Variants in HLCS observed in about 807,000 individuals in gnomAD.
HLCS encodes the protein biotin--protein ligase.
In HLCS, 53 loss-of-function variants were observed where a neutral mutation model predicts 75.0. The ratio of observed to expected loss-of-function variants is 0.71; its 90% CI spans 0.57 to 0.89. HLCS has a LOEUF of 0.89. Among genes scored for constraint, HLCS ranks in the 40% least tolerant of loss-of-function variants. The pLI is 0.00. For missense variants in HLCS, 966 were observed against 1,074.0 expected, an observed-to-expected ratio of 0.90 and a Z score of 1.41; for synonymous variants, 431 against 428.6, an observed-to-expected ratio of 1.01 and a Z score of -0.07.
rs1257707195 is a variant in HLCS at position 36,767,238 on chromosome 21, GC to G, written c.1939del (p.Ala647ProfsTer15). On this transcript the variant is annotated frameshift_variant, in exon 7 of 11. Transcript: ENST00000674895. LOFTEE classifies it high-confidence loss of function. ...CTGACCTTTGCCCTCGGTCTGCCGG[GC>G]CGCGATCACTATTAAGCCCATTTCC... is the stretch of plus-strand genomic sequence containing the variant. ...PQEMGLIVIAARQTEGKGRGG... is the reference protein window; with the variant it reads ...PQEMGLIVIAXRQTEGKGRGG... 6.2e-7 allele frequency: 1 copy of G among 1,614,150 alleles called. No individual in the cohort carries two copies. The highest frequency in any genetic ancestry group is 1.1e-5 in the South Asian group (1 of 91,086).
At chr21:36,814,762 G>A (rs923073682) in intron 6 of HLCS, among the ~76,000 whole-genome samples, 6 of 152,168 alleles carry the variant, frequency 3.9e-5, no homozygotes, top group Admixed American at 1.3e-4. Flanking sequence ...GGTTCTGATT[G>A]GATAGGGTCG....
chr21:36,778,112 G>C (rs1381670461), intron 6 of HLCS, among the ~76,000 whole-genome samples: 1 of 151,992 alleles, frequency 6.6e-6, no homozygotes, highest in Non-Finnish European at 1.5e-5. Flanking sequence ...GGGACTACAG[G>C]CGCCCGCCAC....
intron 6 of HLCS, among the ~76,000 whole-genome samples, chr21:36,887,451 C>A (rs1389303242): frequency 6.6e-6 from 1 of 152,006 alleles, no homozygotes; most frequent in African/African-American, 2.4e-5. Context: ...AAATAAACAA[C>A]CAAGAACACT....
chr21:36,883,121 C>T (rs2064301515), intron 6 of HLCS, among the ~76,000 whole-genome samples: 1 of 152,188 alleles, frequency 6.6e-6, no homozygotes. Context: ...GAACATGCTT[C>T]TCTCCAAAAC....
At chr21:36,833,455 T>C (rs1398044142) in intron 6 of HLCS, among the ~76,000 whole-genome samples, 3 of 151,726 alleles carry the variant, frequency 2.0e-5, no homozygotes, top group South Asian at 2.1e-4. Context: ...TGTAGTGGCA[T>C]GCACCTGTAA....
At chr21:36,925,821 G>A (rs1260859721) in intron 5 of HLCS, among the ~76,000 whole-genome samples, 1 of 152,250 alleles carries the variant, frequency 6.6e-6, no homozygotes, top group Non-Finnish European at 1.5e-5. Flanking sequence ...AAGGCAGCTA[G>A]CTTCTCAACT....
chr21:36,955,790 T>C (rs2067908960), intron 2 of HLCS, among the ~76,000 whole-genome samples: 1 of 152,246 alleles, frequency 6.6e-6, no homozygotes. Flanking sequence ...CCTGAGCCAC[T>C]TTCAGTCCTG....
chr21:36,969,632 G>C (rs902977285), upstream of HLCS: 1 of 150,948 alleles, frequency 6.6e-6, no homozygotes, highest in Non-Finnish European at 1.5e-5. Flanking sequence ...TTGGAGTGCA[G>C]CGCGATCTCA....
At chr21:36,783,126 C>T (rs2060583212) in intron 6 of HLCS, among the ~76,000 whole-genome samples, 1 of 152,162 alleles carries the variant, frequency 6.6e-6, no homozygotes, top group African/African-American at 2.4e-5. Flanking sequence ...GCATGGGTTC[C>T]TGGCCATACC....
At chr21:36,790,631 T>C (rs555639319) in intron 6 of HLCS, among the ~76,000 whole-genome samples, 74 of 152,340 alleles carry the variant, frequency 4.9e-4, no homozygotes, top group African/African-American at 1.8e-3. Context: ...GCTCAATGGC[T>C]GCCTTTCCCA....
intron 4 of HLCS, among the ~76,000 whole-genome samples, chr21:36,935,322 A>T (rs1056598397): frequency 3.9e-5 from 6 of 152,188 alleles, no homozygotes; most frequent in African/African-American, 1.4e-4. Context: ...TAATGTCCAA[A>T]TTCCTTAATT....
At chr21:36,825,199 T>C (rs937375340) in intron 6 of HLCS, among the ~76,000 whole-genome samples, 1 of 151,660 alleles carries the variant, frequency 6.6e-6, no homozygotes, top group South Asian at 2.1e-4. Flanking sequence ...CTGGACAACA[T>C]AGTGAGAGGT....
chr21:36,959,686 G>A (rs1482654190), intron 2 of HLCS, among the ~76,000 whole-genome samples: 1 of 152,166 alleles, frequency 6.6e-6, no homozygotes, highest in Non-Finnish European at 1.5e-5. Context: ...GACCCAGCCA[G>A]ACTCACACAG....
At chr21:36,834,900 T>A (rs1339306028) in intron 6 of HLCS, among the ~76,000 whole-genome samples, 1 of 152,176 alleles carries the variant, frequency 6.6e-6, no homozygotes. Context: ...AAAAATACAT[T>A]TTTAGGCTGA....
chr21:36,909,184 G>A (rs912707694), intron 5 of HLCS, among the ~76,000 whole-genome samples: 25 of 152,056 alleles, frequency 1.6e-4, no homozygotes, highest in African/African-American at 5.8e-4. Context: ...GCAACAGAGC[G>A]AGACTCCATC....
intron 2 of HLCS, among the ~76,000 whole-genome samples, chr21:36,942,911 C>G (rs2067215776): frequency 6.6e-6 from 1 of 151,240 alleles, no homozygotes; most frequent in Non-Finnish European, 1.5e-5. Flanking sequence ...GCCTGGGCGA[C>G]AGAGCGAGAC....
intron 6 of HLCS, among the ~76,000 whole-genome samples, chr21:36,830,103 G>GAC (rs1449408085): frequency 6.6e-6 from 1 of 152,112 alleles, no homozygotes; most frequent in Non-Finnish European, 1.5e-5. Context: ...TTTGAACACA[G>GAC]ACACACACAC....
chr21:36,949,558 C>T (rs989630298), intron 2 of HLCS, among the ~76,000 whole-genome samples: 1 of 152,214 alleles, frequency 6.6e-6, no homozygotes, highest in Non-Finnish European at 1.5e-5. Flanking sequence ...TCCCAATGGA[C>T]ACACAAATCA....
At chr21:36,819,130 T>G (rs1205208130) in intron 6 of HLCS, among the ~76,000 whole-genome samples, 1 of 152,092 alleles carries the variant, frequency 6.6e-6, no homozygotes, top group Non-Finnish European at 1.5e-5. Flanking sequence ...ACCTAGAAAC[T>G]GGAGGGAATC....
Sources: allele counts gnomAD v4.1 joint callset (sites outside exome capture counted in the v4.1 genomes callset), GRCh38; gene constraint gnomAD v4.1.1; transcripts MANE v1.5; gene names NCBI Gene and HGNC (gene_info 2026-07-23, HGNC 2026-07-21).